Variants in MAF observed in about 807,000 individuals in gnomAD.
The protein encoded by MAF is transcription factor Maf.
Under a neutral mutation model 22.0 loss-of-function variants are expected in MAF, and 10 were observed. That is an observed-to-expected ratio of 0.45 (90% CI 0.28 to 0.77). MAF has a LOEUF of 0.77. MAF is among the 30% of genes least tolerant of loss of function. The pLI, the probability that MAF is intolerant of heterozygous loss-of-function variation, is 0.12. For synonymous variants in MAF, 337 were observed against 255.8 expected, an observed-to-expected ratio of 1.32 and a Z score of -3.03; for missense variants, 544 against 548.4, an observed-to-expected ratio of 0.99 and a Z score of 0.08.
the MAF span, among the ~76,000 whole-genome samples, chr16:79,568,948 A>G: frequency 6.6e-6 from 1 of 152,364 alleles, no homozygotes; most frequent in Middle Eastern, 3.4e-3. Context: ...TGAGAAGAAC[A>G]GATCCAAAGA....
the MAF span, among the ~76,000 whole-genome samples, chr16:79,457,122 T>C: frequency 1.3e-5 from 2 of 152,148 alleles, no homozygotes; most frequent in Non-Finnish European, 2.9e-5. Context: ...GTCTTCCTCA[T>C]TGGGATAAGG....
the MAF span, among the ~76,000 whole-genome samples, chr16:79,341,692 T>G: frequency 2.0e-5 from 3 of 152,184 alleles, no homozygotes; most frequent in Non-Finnish European, 4.4e-5. Flanking sequence ...ATTTTAACAA[T>G]ATAACTCTGG....
chr16:79,207,488 TCTA>T, the MAF span, among the ~76,000 whole-genome samples: 4 of 152,230 alleles, frequency 2.6e-5, no homozygotes, highest in Non-Finnish European at 5.9e-5. Context: ...CTTTCATAAC[TCTA>T]CTTTTTGCAT....
the MAF span, among the ~76,000 whole-genome samples, chr16:79,421,890 G>A: frequency 5.3e-5 from 8 of 152,114 alleles, no homozygotes; most frequent in Non-Finnish European, 1.2e-4. Flanking sequence ...CCATTCTCCT[G>A]CCTCACCCTC....
At chr16:79,486,023 A>G in the MAF span, among the ~76,000 whole-genome samples, 1 of 152,238 alleles carries the variant, frequency 6.6e-6, no homozygotes, top group Non-Finnish European at 1.5e-5. Flanking sequence ...GCACTTATTG[A>G]TTGCTTCAAC....
At chr16:79,456,694 C>A in the MAF span, among the ~76,000 whole-genome samples, 2 of 152,130 alleles carry the variant, frequency 1.3e-5, no homozygotes. Context: ...TGCAACATGA[C>A]CTGAGTGTGC....
chr16:79,552,905 C>G, the MAF span, among the ~76,000 whole-genome samples: 1 of 152,206 alleles, frequency 6.6e-6, no homozygotes. Context: ...TACCAGACAC[C>G]ATTTTGCCAC....
At chr16:79,575,050 C>G in the MAF span, among the ~76,000 whole-genome samples, 1 of 146,856 alleles carries the variant, frequency 6.8e-6, no homozygotes, top group Non-Finnish European at 1.5e-5. Flanking sequence ...ATACTGATGT[C>G]TGAGCCCCAA....
At chr16:79,546,188 T>A in the MAF span, among the ~76,000 whole-genome samples, 3 of 152,124 alleles carry the variant, frequency 2.0e-5, no homozygotes, top group African/African-American at 7.2e-5. Context: ...GACAAAAAAG[T>A]TCTATCATTG....
chr16:79,499,497 T>C, the MAF span, among the ~76,000 whole-genome samples: 1 of 152,214 alleles, frequency 6.6e-6, no homozygotes, highest in Non-Finnish European at 1.5e-5. Flanking sequence ...AATTCATATG[T>C]TGAAATCCAA....
At chr16:79,588,493 G>C (rs1372326897) in intron 1 of MAF, among the ~76,000 whole-genome samples, 1 of 151,900 alleles carries the variant, frequency 6.6e-6, no homozygotes, top group Admixed American at 6.6e-5. Context: ...TGAGTGCAGT[G>C]GCGCAATCTG....
the MAF span, among the ~76,000 whole-genome samples, chr16:79,251,316 CT>C: frequency 8.7e-4 from 115 of 131,696 alleles, 1 homozygote; most frequent in Admixed American, 3.0e-3. Flanking sequence ...AAGTCTTTAT[CT>C]TTTTTTTTTT....
At chr16:79,438,337 A>T in the MAF span, among the ~76,000 whole-genome samples, 1 of 152,212 alleles carries the variant, frequency 6.6e-6, no homozygotes, top group Non-Finnish European at 1.5e-5. Context: ...AGCAGTTAAT[A>T]CACGGGCGGA....
the MAF span, among the ~76,000 whole-genome samples, chr16:79,213,724 G>A: frequency 2.0e-4 from 31 of 152,304 alleles, no homozygotes; most frequent in African/African-American, 5.1e-4. Context: ...GGCCATCCCA[G>A]ACTATCCAGC....
chr16:79,592,174 C>T (rs2143740528), downstream of MAF, among the ~76,000 whole-genome samples: 2 of 152,308 alleles, frequency 1.3e-5, no homozygotes, highest in Middle Eastern at 6.8e-3. Flanking sequence ...ATTTTATTTG[C>T]TACGCCTTCA....
At chr16:79,244,354 C>G in the MAF span, among the ~76,000 whole-genome samples, 6 of 152,042 alleles carry the variant, frequency 3.9e-5, no homozygotes, top group Admixed American at 1.3e-4. Context: ...AGCAGATAAG[C>G]AACTTCAGCA....
At chr16:79,480,370 G>A in the MAF span, among the ~76,000 whole-genome samples, 2 of 151,068 alleles carry the variant, frequency 1.3e-5, no homozygotes, top group Admixed American at 6.6e-5. Context: ...TAATTCGTTT[G>A]GATTTTAAAA....
the MAF span, among the ~76,000 whole-genome samples, chr16:79,380,264 CTG>C: frequency 6.6e-6 from 1 of 152,284 alleles, no homozygotes; most frequent in African/African-American, 2.4e-5. Flanking sequence ...TGCTTATTGA[CTG>C]TGAATCCTCA....
chr16:79,429,082 T>A, the MAF span, among the ~76,000 whole-genome samples: 1 of 152,112 alleles, frequency 6.6e-6, no homozygotes, highest in African/African-American at 2.4e-5. Flanking sequence ...TAAATGCCGA[T>A]TGGAGGTAAT....
Sources: allele counts gnomAD v4.1 joint callset (sites outside exome capture counted in the v4.1 genomes callset), GRCh38; gene constraint gnomAD v4.1.1; transcripts MANE v1.5; gene names NCBI Gene and HGNC (gene_info 2026-07-23, HGNC 2026-07-21).